HS6ST1: variants seen among roughly 807,000 people sequenced by gnomAD.
The protein encoded by HS6ST1 is heparan sulfate 6-O-sulfotransferase 1.
HS6ST1 carries 3 observed loss-of-function variants against 25.2 expected under a neutral mutation model. The observed-to-expected ratio is 0.12, with a 90% CI of 0.05 to 0.31. HS6ST1 has a LOEUF of 0.31. HS6ST1 is among the 10% of genes least tolerant of loss of function. HS6ST1 has a pLI of 1.00. For missense variants in HS6ST1, 310 were observed against 609.6 expected, an observed-to-expected ratio of 0.51 and a Z score of 5.18; for synonymous variants, 204 against 275.1, an observed-to-expected ratio of 0.74 and a Z score of 2.56.
At chr2:128,281,873 A>C (rs1693795484) in intron 1 of HS6ST1, among the ~76,000 whole-genome samples, 1 of 152,222 alleles carries the variant, frequency 6.6e-6, no homozygotes, top group South Asian at 2.1e-4. Context: ...ATAGGCATGA[A>C]TTATTCTCAT....
At chr2:128,315,481 T>G in intron 1 of HS6ST1, among the ~76,000 whole-genome samples, 1 of 151,522 alleles carries the variant, frequency 6.6e-6, no homozygotes, top group Non-Finnish European at 1.5e-5. Flanking sequence ...CAGGCAGAGA[T>G]AGAAGGAAAA....
At chr2:128,311,723 T>TG (rs1381006153) in intron 1 of HS6ST1, among the ~76,000 whole-genome samples, 2 of 152,178 alleles carry the variant, frequency 1.3e-5, no homozygotes, top group African/African-American at 4.8e-5. Flanking sequence ...CAGCATTCAC[T>TG]GGGGCAGAGC....
intron 1 of HS6ST1, among the ~76,000 whole-genome samples, chr2:128,293,817 G>A (rs1693995167): frequency 6.6e-6 from 1 of 152,222 alleles, no homozygotes; most frequent in African/African-American, 2.4e-5. Flanking sequence ...CAGAAGGCCA[G>A]TGCTATGTGA....
intron 1 of HS6ST1, among the ~76,000 whole-genome samples, chr2:128,299,980 C>T (rs772505028): frequency 9.2e-5 from 14 of 152,174 alleles, no homozygotes; most frequent in Non-Finnish European, 1.2e-4. Flanking sequence ...GTCTTGCCAG[C>T]CGCTTCCCAT....
chr2:128,311,905 C>T (rs980009454), intron 1 of HS6ST1, among the ~76,000 whole-genome samples: 1 of 152,214 alleles, frequency 6.6e-6, no homozygotes, highest in South Asian at 2.1e-4. Context: ...GAAGGGGTGG[C>T]CACACTGCGC....
chr2:128,295,353 A>G (rs1287381448), intron 1 of HS6ST1, among the ~76,000 whole-genome samples: 3 of 152,242 alleles, frequency 2.0e-5, no homozygotes, highest in Non-Finnish European at 4.4e-5. Flanking sequence ...GCCCTTGCTC[A>G]GGGCCACACA....
chr2:128,314,197 C>T (rs140881140), intron 1 of HS6ST1, among the ~76,000 whole-genome samples: 4 of 152,030 alleles, frequency 2.6e-5, no homozygotes, highest in Non-Finnish European at 4.4e-5. Flanking sequence ...TGGAAACTGT[C>T]GCATGCCACA....
At chr2:128,305,353 T>C (rs1364669763) in intron 1 of HS6ST1, among the ~76,000 whole-genome samples, 1 of 152,216 alleles carries the variant, frequency 6.6e-6, no homozygotes, top group Non-Finnish European at 1.5e-5. Context: ...AAAGCATGAC[T>C]TGGGAGGCCT....
intron 1 of HS6ST1, among the ~76,000 whole-genome samples, chr2:128,296,777 G>T (rs904876522): frequency 2.0e-5 from 3 of 152,216 alleles, no homozygotes; most frequent in Admixed American, 2.0e-4. Context: ...CTATCATTAA[G>T]ATGTAAATAC....
chr2:128,302,554 C>T (rs1487346623), intron 1 of HS6ST1, among the ~76,000 whole-genome samples: 3 of 152,124 alleles, frequency 2.0e-5, no homozygotes, highest in Non-Finnish European at 2.9e-5. Flanking sequence ...TAGCTCTGCA[C>T]GCAGGTGCTG....
At chr2:128,292,245 A>G (rs913663398) in intron 1 of HS6ST1, among the ~76,000 whole-genome samples, 2 of 152,162 alleles carry the variant, frequency 1.3e-5, no homozygotes, top group African/African-American at 4.8e-5. Context: ...CATGCCAGGC[A>G]GTCTGGGCCT....
chr2:128,311,679 G>T (rs924839693), intron 1 of HS6ST1, among the ~76,000 whole-genome samples: 6 of 152,186 alleles, frequency 3.9e-5, no homozygotes, highest in African/African-American at 1.4e-4. Context: ...TGAGGGGTTG[G>T]GGAGACTCCT....
rs74472273 is a variant in HS6ST1, at chr2:128,300,054, G to A, written c.527+17983C>T. Among the ~76,000 whole-genome samples, 363 of 152,236 alleles carry A rather than the reference G, an allele frequency of 2.4e-3. 1 individual carries two copies. Among genetic ancestry groups the A allele is most frequent in the African/African-American group, 8.1e-3 (337 of 41,546 alleles). On this transcript the variant is annotated intron_variant, in intron 1 of 1. Transcript: ENST00000259241. ...GCATGGGAGAGTCAGGCCTGGACCC[G>A]GGTGACACTCTGCTTATACTGCTGA...
chr2:128,266,899 C>A lies in HS6ST1; in HGVS notation c.*1263G>T, dbSNP rs11554549. The A allele has an allele frequency of 0.26, 39,121 of 151,622 alleles. 5,224 individuals are homozygous for A. Among genetic ancestry groups the A allele is most frequent in the African/African-American group, 0.29 (11,907 of 41,218 alleles). The allele number at this position is 151,622 out of a possible 1,614,324, so 9.4% of individuals were successfully genotyped here. ...ATTGCAGCCAGTGGGGAAACCTGCG[C>A]GGCTGCTGGGAACAGAGCATGGCCA... On this transcript the variant is annotated 3_prime_UTR_variant, in exon 2 of 2. Coordinates refer to ENST00000259241, the MANE Select transcript of HS6ST1 (RefSeq NM_004807.3).
intron 1 of HS6ST1, among the ~76,000 whole-genome samples, chr2:128,277,085 C>T (rs1693707629): frequency 6.6e-6 from 1 of 152,184 alleles, no homozygotes; most frequent in Admixed American, 6.5e-5. Context: ...GCCCAAGCAT[C>T]CGGCTGGTGG....
At chr2:128,278,574 G>A (rs1199884652) in intron 1 of HS6ST1, among the ~76,000 whole-genome samples, 1 of 152,202 alleles carries the variant, frequency 6.6e-6, no homozygotes, top group African/African-American at 2.4e-5. Flanking sequence ...GGCGGAGGCC[G>A]ACGGCAGGCA....
chr2:128,268,942 T>G, intron 1 of HS6ST1, 72 bp from the exon 2 acceptor site: 1 of 1,301,524 alleles, frequency 7.7e-7, no homozygotes, highest in Non-Finnish European at 1.1e-6. Context: ...CTGCTCTGAG[T>G]CAAAGTCCCC....
In HS6ST1 at chr2:128,304,954, T is replaced by A. The variant is rs1464452909; in HGVS notation, c.527+13083A>T. 2.0e-5 allele frequency among the ~76,000 whole-genome samples: 3 copies of A among 152,180 alleles called. No homozygotes were observed. In the East Asian group the frequency reaches 5.8e-4, roughly 29 times the overall value. The stretch of plus-strand genomic sequence containing the variant: ...CTCTGTGGCAACCCATGGAACATGG[T>A]CCCCAGGGCCTTCCTGGTGGCCCAG... On this transcript the variant is annotated intron_variant, in intron 1 of 1. Transcript: ENST00000259241.
intron 1 of HS6ST1, among the ~76,000 whole-genome samples, chr2:128,282,717 A>AC (rs1172550243): frequency 5.3e-5 from 8 of 152,046 alleles, no homozygotes; most frequent in Non-Finnish European, 1.0e-4. Context: ...GCTCCCACCA[A>AC]CCGGTGGAGG....
Sources: allele counts gnomAD v4.1 joint callset (sites outside exome capture counted in the v4.1 genomes callset), GRCh38; gene constraint gnomAD v4.1.1; transcripts MANE v1.5; gene names NCBI Gene and HGNC (gene_info 2026-07-23, HGNC 2026-07-21).